CTNND2: variants seen among roughly 807,000 people sequenced by gnomAD.
CTNND2 encodes catenin delta-2.
Under a neutral mutation model 144.4 loss-of-function variants are expected in CTNND2, and 22 were observed. That is an observed-to-expected ratio of 0.15 (90% CI 0.11 to 0.22). The LOEUF is 0.22. Among genes scored for constraint, CTNND2 ranks in the 10% least tolerant of loss-of-function variants. CTNND2 has a pLI of 1.00. For missense variants in CTNND2, 1,353 were observed against 1,618.8 expected, an observed-to-expected ratio of 0.84 and a Z score of 2.82; for synonymous variants, 751 against 695.6, an observed-to-expected ratio of 1.08 and a Z score of -1.25.
chr5:11,488,604 T>C (rs970969573), intron 3 of CTNND2, among the ~76,000 whole-genome samples: 5 of 152,170 alleles, frequency 3.3e-5, no homozygotes, highest in Admixed American at 3.3e-4. Context: ...TGGTATATGG[T>C]TTTGTGAATT....
chr5:11,333,289 G>A (rs1167468142), intron 9 of CTNND2, among the ~76,000 whole-genome samples: 3 of 151,450 alleles, frequency 2.0e-5, no homozygotes, highest in African/African-American at 7.3e-5. Context: ...TTTGAGGCAG[G>A]GTCTCACTCT....
chr5:11,284,576 C>A (rs548076886), intron 9 of CTNND2, among the ~76,000 whole-genome samples: 1 of 152,144 alleles, frequency 6.6e-6, no homozygotes, highest in Admixed American at 6.6e-5. Context: ...ACTCAAGTCC[C>A]TGCAAAGGAC....
chr5:11,389,523 C>T (rs1561321680), intron 6 of CTNND2, among the ~76,000 whole-genome samples: 1 of 151,930 alleles, frequency 6.6e-6, no homozygotes, highest in Admixed American at 6.6e-5. Context: ...TATATTGAGG[C>T]CTCTTGTGTA....
At chr5:11,475,330 A>C (rs1767623003) in intron 3 of CTNND2, among the ~76,000 whole-genome samples, 1 of 152,214 alleles carries the variant, frequency 6.6e-6, no homozygotes. Context: ...AGCAGTAAGT[A>C]ATTAATTTTT....
intron 1 of CTNND2, among the ~76,000 whole-genome samples, chr5:11,845,478 G>A (rs1223928692): frequency 6.6e-6 from 1 of 152,130 alleles, no homozygotes. Context: ...AGTCCAATAT[G>A]ACTAGTGTCC....
At chr5:11,530,432 C>T (rs1773647334) in intron 3 of CTNND2, among the ~76,000 whole-genome samples, 1 of 152,132 alleles carries the variant, frequency 6.6e-6, no homozygotes, top group Admixed American at 6.5e-5. Context: ...TTGGGGAAGT[C>T]CCCCTCCCTG....
chr5:11,372,250 T>C (rs958455242), intron 7 of CTNND2, among the ~76,000 whole-genome samples: 2 of 152,216 alleles, frequency 1.3e-5, no homozygotes, highest in African/African-American at 4.8e-5. Context: ...AGTGTGTCCA[T>C]GTGATCTCAT....
chr5:11,544,203 C>T (rs1388203517), intron 3 of CTNND2, among the ~76,000 whole-genome samples: 3 of 150,024 alleles, frequency 2.0e-5, no homozygotes, highest in African/African-American at 7.4e-5. Context: ...GAGACGGAGT[C>T]TCCCTCTGTC....
At chr5:11,310,862 C>T (rs1466414194) in intron 9 of CTNND2, among the ~76,000 whole-genome samples, 2 of 144,828 alleles carry the variant, frequency 1.4e-5, no homozygotes, top group Non-Finnish European at 3.0e-5. Context: ...TACACTCATA[C>T]ACTCACTCTC....
chr5:11,160,335 T>C (rs1011868520), intron 11 of CTNND2, among the ~76,000 whole-genome samples: 2 of 152,228 alleles, frequency 1.3e-5, no homozygotes, highest in African/African-American at 2.4e-5. Flanking sequence ...GCAATGCTCA[T>C]GGAGGACCTA....
chr5:11,335,501 A>G (rs1283346290), intron 9 of CTNND2, among the ~76,000 whole-genome samples: 1 of 152,220 alleles, frequency 6.6e-6, no homozygotes, highest in African/African-American at 2.4e-5. Flanking sequence ...GAGATTTCAG[A>G]ATTCCACTTG....
chr5:11,556,740 T>C (rs755190293), intron 3 of CTNND2, among the ~76,000 whole-genome samples: 5 of 91,288 alleles, frequency 5.5e-5, no homozygotes, highest in African/African-American at 1.3e-4. Flanking sequence ...TGGCAGACTT[T>C]GTTGGAAACC....
chr5:11,081,248 T>C (rs2149632715), intron 16 of CTNND2, among the ~76,000 whole-genome samples: 1 of 152,296 alleles, frequency 6.6e-6, no homozygotes, highest in South Asian at 2.1e-4. Context: ...TGAGATTTAT[T>C]ATGCAACAAG....
chr5:11,699,847 A>G (rs1785343633), intron 2 of CTNND2, among the ~76,000 whole-genome samples: 1 of 152,246 alleles, frequency 6.6e-6, no homozygotes, highest in South Asian at 2.1e-4. Context: ...TAAGCATGAA[A>G]TAAGTACAAC....
chr5:11,282,537 C>T (rs965731525), intron 9 of CTNND2, among the ~76,000 whole-genome samples: 2 of 152,194 alleles, frequency 1.3e-5, no homozygotes, highest in African/African-American at 4.8e-5. Context: ...AAAAGGCCAG[C>T]AGCTCCTGCT....
Position 11,443,244 on chromosome 5 carries a change from GT to G in CTNND2, c.288-31176del, listed in dbSNP as rs1764454101. Among the ~76,000 whole-genome samples the G allele has an allele frequency of 5.6e-5, 7 of 124,914 alleles. No homozygotes were observed. In the South Asian group the frequency reaches 1.1e-3, roughly 19 times the overall value. The allele number at this position is 124,914 out of a possible 152,430, so 81.9% of individuals were successfully genotyped here. ...GTGTGTATGTGTGTGTGATGTGTGT[GT>G]GTGTGTGCTGTGTGTGGTGTGTGTG... On this transcript the variant is annotated intron_variant, in intron 3 of 21. Transcript: ENST00000304623.
intron 15 of CTNND2, among the ~76,000 whole-genome samples, chr5:11,098,010 A>T (rs1207011031): frequency 6.6e-6 from 1 of 152,146 alleles, no homozygotes; most frequent in Non-Finnish European, 1.5e-5. Flanking sequence ...GTTTATAAGG[A>T]CTCAGAAAAA....
intron 9 of CTNND2, among the ~76,000 whole-genome samples, chr5:11,260,325 T>C (rs529196350): frequency 6.6e-6 from 1 of 152,210 alleles, no homozygotes; most frequent in African/African-American, 2.4e-5. Flanking sequence ...GCCACTGTAA[T>C]GTATAAAATA....
intron 3 of CTNND2, among the ~76,000 whole-genome samples, chr5:11,527,184 T>C (rs1773329461): frequency 6.6e-6 from 1 of 152,126 alleles, no homozygotes; most frequent in African/African-American, 2.4e-5. Flanking sequence ...TTAATAACAC[T>C]GAATTTTATA....
Sources: gnomAD v4.1 joint callset for allele counts (sites outside exome capture counted in the v4.1 genomes callset) on GRCh38, gnomAD v4.1.1 for gene constraint, MANE v1.5 for transcripts, NCBI Gene and HGNC (gene_info 2026-07-23, HGNC 2026-07-21) for gene names.